SLC2A7: variants seen among roughly 807,000 people sequenced by gnomAD.
SLC2A7 encodes the protein solute carrier family 2 member 7.
SLC2A7 carries 50 observed loss-of-function variants against 50.5 expected under a neutral mutation model. The observed-to-expected ratio is 0.99, with a 90% CI of 0.79 to 1.25. SLC2A7 has a LOEUF of 1.25. SLC2A7 is among the 50% of genes most tolerant of loss of function. The pLI is 0.00. For synonymous variants in SLC2A7, 308 were observed against 300.4 expected, an observed-to-expected ratio of 1.03 and a Z score of -0.26; for missense variants, 683 against 679.1, an observed-to-expected ratio of 1.01 and a Z score of -0.06.
chr1:9,011,746 CTTTTTTT>C (rs34758810), intron 8 of SLC2A7, among the ~76,000 whole-genome samples: 6 of 93,230 alleles, frequency 6.4e-5, no homozygotes, highest in African/African-American at 9.2e-5. Context: ...TCTTCTTCTT[CTTTTTTT>C]TTTTTTTTTT....
chr1:9,005,679 G>A (rs1640644045), intron 10 of SLC2A7, among the ~76,000 whole-genome samples: 1 of 150,826 alleles, frequency 6.6e-6, no homozygotes, highest in African/African-American at 2.4e-5. Flanking sequence ...GGTGGCGTGT[G>A]CCTGTAGTCC....
At chr1:8,995,245 G>A in the SLC2A7 span, among the ~76,000 whole-genome samples, 33 of 151,430 alleles carry the variant, frequency 2.2e-4, no homozygotes, top group African/African-American at 7.7e-4. Flanking sequence ...TCAGGAGATC[G>A]AGATCATCCT....
intron 5 of SLC2A7, among the ~76,000 whole-genome samples, chr1:9,016,564 G>A (rs1280674971): frequency 6.6e-6 from 1 of 151,784 alleles, no homozygotes; most frequent in African/African-American, 2.4e-5. Context: ...AGCTATGATC[G>A]CACCACTGCA....
chr1:8,998,639 G>C (rs1351805598), downstream of SLC2A7, among the ~76,000 whole-genome samples: 1 of 151,988 alleles, frequency 6.6e-6, no homozygotes, highest in African/African-American at 2.4e-5. Context: ...ATAAATAACA[G>C]AATCAGTTTG....
At chr1:9,003,819 C>T (rs1334104506) in intron 11 of SLC2A7, among the ~76,000 whole-genome samples, 1 of 152,122 alleles carries the variant, frequency 6.6e-6, no homozygotes, top group Non-Finnish European at 1.5e-5. Context: ...GATCGCGCTA[C>T]TGCACTCCAG....
At position 9,004,753 on chromosome 1, in the gene SLC2A7, T is replaced by A; in HGVS notation, c.1319A>T (p.Gln440Leu). ...FIIGFLFPSIQEAIGAYSFII... is the reference protein window; with the variant it reads ...FIIGFLFPSILEAIGAYSFII... ...GTTGGGGAAGGGGCCCTCACTCACC[T>A]GGATGGATGGGAACAGGAAGCCTAT... Residue 440 changes from glutamine (Q) to leucine (L), a missense_variant and splice_region_variant, in exon 11 of 12, where the codon CAG becomes CTG. Gln to Leu is a moderately radical substitution (Grantham distance 113). Transcript: ENST00000400906. 6.2e-7 allele frequency: 1 copy of A among 1,613,924 alleles called. No individual in the cohort carries two copies. Among genetic ancestry groups the A allele is most frequent in the Non-Finnish European group, 8.5e-7 (1 of 1,179,874 alleles).
downstream of SLC2A7, among the ~76,000 whole-genome samples, chr1:9,000,356 T>A (rs1304484166): frequency 1.0e-4 from 15 of 150,696 alleles, no homozygotes; most frequent in Admixed American, 9.9e-4. Flanking sequence ...CGGTGGCTCA[T>A]GCCTGTAATC....
intron 3 of SLC2A7, among the ~76,000 whole-genome samples, chr1:9,021,686 C>A (rs908063133): frequency 6.6e-6 from 1 of 152,190 alleles, no homozygotes; most frequent in Non-Finnish European, 1.5e-5. Context: ...TCCCCCATCA[C>A]GGGGAGGGTC....
At chr1:9,021,204 T>TTCAC (rs1640907768) in intron 3 of SLC2A7, among the ~76,000 whole-genome samples, 1 of 152,182 alleles carries the variant, frequency 6.6e-6, no homozygotes, top group South Asian at 2.1e-4. Context: ...GAGATGGAGT[T>TTCAC]TCACCATGTT....
intron 5 of SLC2A7, among the ~76,000 whole-genome samples, chr1:9,016,137 G>A (rs1002403649): frequency 1.3e-5 from 2 of 152,152 alleles, no homozygotes; most frequent in African/African-American, 4.8e-5. Flanking sequence ...TCTAATTGAC[G>A]ATTTAATACT....
rs1437598884 is a variant in SLC2A7, at chr1:9,008,053, T to C, written c.1117-668A>G. 1.3e-5 allele frequency among the ~76,000 whole-genome samples: 2 copies of C among 152,058 alleles called. No homozygotes were observed. Among genetic ancestry groups the C allele is most frequent in the East Asian group, 3.9e-4 (2 of 5,188 alleles). On this transcript the variant is annotated intron_variant, in intron 9 of 11. Coordinates refer to ENST00000400906, the MANE Select transcript of SLC2A7 (RefSeq NM_207420.3). This position sits in a 1 kb window ranked among gnomAD's most constrained non-coding sequence, Gnocchi z 5.9. Reference sequence around the variant, plus strand: ...GAGGTCCGGACTTTCTCTACCATTCTCTGGAGACTCCTAGGACCCCCGGAC... The same window carrying C: ...GAGGTCCGGACTTTCTCTACCATTCCCTGGAGACTCCTAGGACCCCCGGAC...
chr1:8,999,793 C>T (rs746831088), downstream of SLC2A7, among the ~76,000 whole-genome samples: 6 of 152,190 alleles, frequency 3.9e-5, no homozygotes, highest in Non-Finnish European at 8.8e-5. Context: ...GCCTCAGCCA[C>T]AGGACCTGCT....
the SLC2A7 span, among the ~76,000 whole-genome samples, chr1:8,996,711 A>C: frequency 6.6e-6 from 1 of 152,142 alleles, no homozygotes; most frequent in Non-Finnish European, 1.5e-5. Context: ...AATTTTAGGC[A>C]TCCTAACAAG....
chr1:9,024,882 A>G, intron 2 of SLC2A7, 94 bp downstream of exon 2: 1 of 1,413,660 alleles, frequency 7.1e-7, no homozygotes, highest in Non-Finnish European at 9.9e-7. Context: ...TACAGGCAAG[A>G]TGGCAGCCTC....
rs538701534 is a variant in SLC2A7 at position 9,019,578 on chromosome 1, C to T, written c.312-245G>A. ...GTGAATAGGTCATGTGGGGCCCTCA[C>T]GATGGGATAGGAAGAGACATACAAG... On this transcript the variant is annotated intron_variant, in intron 3 of 11. Transcript: ENST00000400906. Among the ~76,000 whole-genome samples the T allele has an allele frequency of 3.3e-5, 5 of 152,250 alleles. No individual in the cohort carries two copies. The East Asian group carries it at 7.7e-4, about 23-fold the overall frequency.
At position 9,013,535 on chromosome 1, in the gene SLC2A7, G is replaced by T. The variant is rs773411357; in HGVS notation, c.1004C>A (p.Thr335Asn). 1.9e-6 allele frequency: 3 copies of T among 1,613,346 alleles called. No individual in the cohort carries two copies. The highest frequency in any genetic ancestry group is 2.5e-6 in the Non-Finnish European group (3 of 1,179,880). Residue 335 changes from threonine (T) to asparagine (N), a missense_variant, in exon 8 of 12, where the codon ACC becomes AAC. By Grantham distance (65) the Thr-to-Asn change is moderately conservative (BLOSUM62 0). Coordinates refer to ENST00000400906, the MANE Select transcript of SLC2A7 (RefSeq NM_207420.3). ...CTCCTGCTCACTCACCGAGGTGATG[G>T]TCATCACTATGTTGACGACGCCAGA... Reference protein sequence around the residue: ...VGSGVVNIVMTITSAVLVERL... With the variant: ...VGSGVVNIVMNITSAVLVERL...
chr1:9,021,679 C>T (rs563666100), intron 3 of SLC2A7, among the ~76,000 whole-genome samples: 44 of 152,150 alleles, frequency 2.9e-4, no homozygotes, highest in Non-Finnish European at 5.6e-4. Context: ...GAGCACATCC[C>T]CCATCACGGG....
intron 7 of SLC2A7, among the ~76,000 whole-genome samples, chr1:9,014,115 G>A (rs1009983285): frequency 2.0e-5 from 3 of 152,118 alleles, no homozygotes; most frequent in African/African-American, 4.8e-5. Context: ...ACCCTCCCAC[G>A]ATCACTGGTT....
rs1452342440 is a variant in SLC2A7 at position 9,008,413 on chromosome 1, G to A, written c.1117-1028C>T. The stretch of plus-strand genomic sequence containing the variant: ...TTGGTGGGGCCGCCCTGGACCCGGT[G>A]TGAAGCGAGCAGCTGCTGCTGCATT... On this transcript the variant is annotated intron_variant, in intron 9 of 11. Coordinates refer to ENST00000400906, the MANE Select transcript of SLC2A7 (RefSeq NM_207420.3). The surrounding 1 kb of genome is among the most constrained non-coding windows in gnomAD (Gnocchi z 5.9). 6.6e-6 allele frequency among the ~76,000 whole-genome samples: 1 copy of A among 152,196 alleles called. No homozygotes were observed. Among genetic ancestry groups the A allele is most frequent in the Non-Finnish European group, 1.5e-5 (1 of 68,036 alleles).
Sources: gnomAD v4.1 joint callset for allele counts (sites outside exome capture counted in the v4.1 genomes callset) on GRCh38, gnomAD v4.1.1 for gene constraint, Gnocchi (gnomAD v3.1) non-coding constraint, MANE v1.5 for transcripts, NCBI Gene and HGNC (gene_info 2026-07-23, HGNC 2026-07-21) for gene names.